Variants in LPP observed in about 807,000 individuals in gnomAD.
LPP encodes LIM domain containing preferred translocation partner in lipoma.
In LPP, 38 loss-of-function variants were observed where a neutral mutation model predicts 60.4. The observed-to-expected ratio is 0.63, with a 90% CI of 0.49 to 0.83. LPP has a LOEUF of 0.83. LPP is among the 40% of genes least tolerant of loss of function. The pLI is 0.00. For missense variants in LPP, 902 were observed against 783.6 expected, an observed-to-expected ratio of 1.15 and a Z score of -1.80; for synonymous variants, 328 against 290.8, an observed-to-expected ratio of 1.13 and a Z score of -1.30.
At chr3:188,264,460 A>C (rs932222687) in intron 2 of LPP, among the ~76,000 whole-genome samples, 2 of 152,060 alleles carry the variant, frequency 1.3e-5, no homozygotes, top group Non-Finnish European at 2.9e-5. Flanking sequence ...CTGAATCATA[A>C]AGCATTTGCT....
In LPP at chr3:188,865,151, G is replaced by A. The variant is rs796303678; in HGVS notation, c.1411-1049G>A. The stretch of plus-strand genomic sequence containing the variant: ...ATCCAGATACCTCAGTTGTAATATA[G>A]CATTTTACATGTGAAACGTGGTTGT... On this transcript the variant is annotated intron_variant, in intron 9 of 11. Transcript: ENST00000617246. Among the ~76,000 whole-genome samples the A allele has an allele frequency of 2.6e-5, 4 of 152,178 alleles. No homozygotes were observed. The South Asian group carries it at 6.2e-4, about 24-fold the overall frequency.
chr3:188,803,846 C>T (rs919727220), intron 9 of LPP, among the ~76,000 whole-genome samples: 1 of 152,042 alleles, frequency 6.6e-6, no homozygotes, highest in Non-Finnish European at 1.5e-5. Context: ...TACAAAAATC[C>T]TTCTGGGGTT....
intron 3 of LPP, among the ~76,000 whole-genome samples, chr3:188,350,459 T>C (rs1490987920): frequency 6.6e-6 from 1 of 152,184 alleles, no homozygotes; most frequent in African/African-American, 2.4e-5. Context: ...CAGGCAAATA[T>C]CAGGCATGGC....
chr3:188,704,646 G>A (rs184024348), intron 7 of LPP, among the ~76,000 whole-genome samples: 33 of 152,134 alleles, frequency 2.2e-4, no homozygotes, highest in Admixed American at 1.8e-3. Context: ...AACACTTACC[G>A]TGGTTTCTAA....
chr3:188,732,830 G>A (rs1721132594), intron 8 of LPP, among the ~76,000 whole-genome samples: 1 of 151,812 alleles, frequency 6.6e-6, no homozygotes, highest in Admixed American at 6.6e-5. Context: ...TCTTCTTAGA[G>A]TATTGGGGTA....
At position 188,306,732 on chromosome 3, in the gene LPP, C is replaced by T. The variant is rs958362851; in HGVS notation, c.-66-34931C>T. 3.0e-4 allele frequency among the ~76,000 whole-genome samples: 46 copies of T among 152,138 alleles called. 1 individual carries two copies. Among genetic ancestry groups the T allele is most frequent in the Non-Finnish European group, 1.8e-4 (12 of 68,026 alleles). On this transcript the variant is annotated intron_variant, in intron 2 of 11. Coordinates refer to ENST00000617246, the MANE Select transcript of LPP (RefSeq NM_001375462.1). Reference sequence around the variant, plus strand: ...CATCCTCTCTGAAAGGGGTGACAGCCGCTTGGCGCTAGCTAATTATTGCCA... The same window carrying T: ...CATCCTCTCTGAAAGGGGTGACAGCTGCTTGGCGCTAGCTAATTATTGCCA...
At chr3:188,577,373 T>C (rs1217286068) in intron 6 of LPP, among the ~76,000 whole-genome samples, 1 of 152,148 alleles carries the variant, frequency 6.6e-6, no homozygotes, top group Admixed American at 6.6e-5. Flanking sequence ...ATTGTGAATA[T>C]ATTTTCATAC....
At chr3:188,298,775 G>A (rs1203284641) in intron 2 of LPP, among the ~76,000 whole-genome samples, 1 of 152,162 alleles carries the variant, frequency 6.6e-6, no homozygotes, top group South Asian at 2.1e-4. Flanking sequence ...AGGAACAAAA[G>A]CTCAGCGTCC....
intron 3 of LPP, among the ~76,000 whole-genome samples, chr3:188,369,088 T>C (rs1772219064): frequency 6.6e-6 from 1 of 152,128 alleles, no homozygotes; most frequent in Admixed American, 6.5e-5. Flanking sequence ...CCCACCCCCA[T>C]TTACAGCTTC....
chr3:188,302,089 G>T (rs1287657420), intron 2 of LPP, among the ~76,000 whole-genome samples: 1 of 152,004 alleles, frequency 6.6e-6, no homozygotes, highest in Non-Finnish European at 1.5e-5. Context: ...CTTGATTTTG[G>T]ACAAAATGGA....
At chr3:188,284,906 T>C (rs1296987677) in intron 2 of LPP, among the ~76,000 whole-genome samples, 1 of 152,184 alleles carries the variant, frequency 6.6e-6, no homozygotes, top group Admixed American at 6.5e-5. Context: ...TTCCTCGAAG[T>C]ATGACTCGAA....
chr3:188,779,432 C>G (rs16863609), intron 9 of LPP, among the ~76,000 whole-genome samples: 31,277 of 152,040 alleles, frequency 0.21, 4,345 homozygotes, highest in East Asian at 0.64. Context: ...ACGCAAGGAC[C>G]CTTCAAACTC....
rs1839128791 is a variant in LPP, at chr3:188,592,579, C to A, written c.430-16582C>A. 5.0e-5 allele frequency among the ~76,000 whole-genome samples: 2 copies of A among 39,980 alleles called. 1 individual carries two copies. The highest frequency in any genetic ancestry group is 1.2e-4 in the Non-Finnish European group (2 of 16,398). 26.2% of individuals were successfully genotyped at this position (39,980 alleles called of 152,430 possible). A position where few individuals can be genotyped will look rare whatever the true frequency, so the allele number is the denominator to read the frequency against. ...TTTGTTTTTTAAATGGAGTCTCACT[C>A]TTTCTCCCAGGCTGGAGTGCAGTGG... On this transcript the variant is annotated intron_variant, in intron 6 of 11. Transcript: ENST00000617246.
chr3:188,848,994 G>A (rs752855089), intron 9 of LPP, among the ~76,000 whole-genome samples: 1 of 151,986 alleles, frequency 6.6e-6, no homozygotes, highest in Non-Finnish European at 1.5e-5. Flanking sequence ...TAGGTTCCGG[G>A]TGTTGCAGCA....
Position 188,609,843 on chromosome 3 carries a change from A to C in LPP, c.1112A>C (p.Lys371Thr). 1 of 1,607,714 alleles carries C rather than the reference A, an allele frequency of 6.2e-7. No homozygotes were observed. Among genetic ancestry groups the C allele is most frequent in the Non-Finnish European group, 8.5e-7 (1 of 1,177,414 alleles). ...SAPCAPPLQP[K>T]GGHSGQLGPS... The stretch of plus-strand genomic sequence containing the variant: ...CCCTGTGCGCCACCATTGCAGCCAA[A>C]GGTAAGAAACTCAGTAACATAAGGA... Residue 371 changes from lysine to threonine, a missense_variant and splice_region_variant, in exon 7 of 12, where the codon AAG (lysine) becomes ACG (threonine). By Grantham distance (78) the Lys-to-Thr change is moderately conservative. Coordinates refer to ENST00000617246, the MANE Select transcript of LPP (RefSeq NM_001375462.1). This position sits in a 1 kb window ranked among gnomAD's most constrained non-coding sequence, Gnocchi z 6.9.
At chr3:188,707,780 G>T (rs1865779136) in intron 7 of LPP, among the ~76,000 whole-genome samples, 1 of 152,040 alleles carries the variant, frequency 6.6e-6, no homozygotes, top group Admixed American at 6.6e-5. Context: ...CTCCCTTTTA[G>T]CTGAATAAGG....
intron 1 of LPP, among the ~76,000 whole-genome samples, chr3:188,201,773 A>T (rs1374748391): frequency 3.3e-5 from 5 of 152,140 alleles, no homozygotes; most frequent in Admixed American, 6.6e-5. Flanking sequence ...TCAGGCTGCC[A>T]TTGGCATTTA....
chr3:188,279,237 G>A (rs114362027), intron 2 of LPP, among the ~76,000 whole-genome samples: 2,897 of 152,308 alleles, frequency 0.019, 43 homozygotes, highest in Non-Finnish European at 0.032. Flanking sequence ...CAAAGAGCTG[G>A]ATTCCAGTCC....
At chr3:188,480,180 C>G (rs1463674614) in intron 4 of LPP, among the ~76,000 whole-genome samples, 1 of 152,130 alleles carries the variant, frequency 6.6e-6, no homozygotes, top group Non-Finnish European at 1.5e-5. Flanking sequence ...TTCCTCACTC[C>G]CTTTTTGAGT....
Sources: gnomAD v4.1 joint callset for allele counts (sites outside exome capture counted in the v4.1 genomes callset) on GRCh38, gnomAD v4.1.1 for gene constraint, Gnocchi (gnomAD v3.1) non-coding constraint, MANE v1.5 for transcripts, NCBI Gene and HGNC (gene_info 2026-07-23, HGNC 2026-07-21) for gene names.